The following RBMS3 variants were observed in gnomAD, a reference collection of about 807,000 sequenced individuals.
RBMS3 encodes the protein RNA binding motif single stranded interacting protein 3.
RBMS3 carries 27 observed loss-of-function variants against 66.8 expected under a neutral mutation model. The ratio of observed to expected loss-of-function variants is 0.40; its 90% CI spans 0.30 to 0.56. RBMS3 has a LOEUF of 0.56. RBMS3 is among the 20% of genes least tolerant of loss of function. The pLI is 0.40. For synonymous variants in RBMS3, 188 were observed against 183.0 expected, an observed-to-expected ratio of 1.03 and a Z score of -0.22; for missense variants, 513 against 549.5, an observed-to-expected ratio of 0.93 and a Z score of 0.66.
Position 29,357,006 on chromosome 3 carries a change from G to A in RBMS3, c.75+75250G>A, listed in dbSNP as rs931719160. On this transcript the variant is annotated intron_variant, in intron 1 of 14. Transcript: ENST00000383767. The stretch of plus-strand genomic sequence containing the variant: ...TAAACAAAAATGTTTAGTTTAGAAA[G>A]GGAAAAATAGTGGGTACAATCACAG... 1.4e-4 allele frequency among the ~76,000 whole-genome samples: 22 copies of A among 152,052 alleles called. No individual in the cohort carries two copies. The East Asian group carries it at 4.2e-3, about 29-fold the overall frequency.
At chr3:29,358,432 T>G (rs897360934) in intron 1 of RBMS3, among the ~76,000 whole-genome samples, 1 of 152,254 alleles carries the variant, frequency 6.6e-6, no homozygotes, top group Non-Finnish European at 1.5e-5. Context: ...AGTACCATGC[T>G]GTTTTGGTTA....
chr3:29,540,599 T>C (rs12636896), intron 3 of RBMS3, among the ~76,000 whole-genome samples: 2 of 152,152 alleles, frequency 1.3e-5, no homozygotes, highest in Non-Finnish European at 1.5e-5. Flanking sequence ...TATATTGATA[T>C]AGTAACTCTC....
chr3:29,879,956 A>G (rs1385408134), intron 7 of RBMS3, among the ~76,000 whole-genome samples: 1 of 152,188 alleles, frequency 6.6e-6, no homozygotes, highest in Non-Finnish European at 1.5e-5. Flanking sequence ...TATTTCCACA[A>G]TTATTACCTC....
intron 1 of RBMS3, among the ~76,000 whole-genome samples, chr3:29,408,409 C>T (rs2040121413): frequency 6.6e-6 from 1 of 151,904 alleles, no homozygotes; most frequent in Admixed American, 6.6e-5. Context: ...TCAATTTCCT[C>T]ATCTGTAAAA....
intron 4 of RBMS3, among the ~76,000 whole-genome samples, chr3:29,683,122 G>A (rs181553298): frequency 5.3e-5 from 8 of 152,176 alleles, no homozygotes; most frequent in Non-Finnish European, 8.8e-5. Context: ...TTTACTACCC[G>A]GCTTCCTACA....
At chr3:29,646,594 T>A (rs1272837393) in intron 4 of RBMS3, among the ~76,000 whole-genome samples, 3 of 151,576 alleles carry the variant, frequency 2.0e-5, no homozygotes, top group Non-Finnish European at 4.4e-5. Context: ...CTGGTTTAAG[T>A]TTCTTAACAA....
intron 4 of RBMS3, among the ~76,000 whole-genome samples, chr3:29,647,435 G>A (rs914856957): frequency 2.6e-5 from 4 of 152,114 alleles, no homozygotes; most frequent in African/African-American, 4.8e-5. Flanking sequence ...AAAAAGCTAC[G>A]ATTCAAAGTT....
chr3:29,843,434 T>A (rs938288348), intron 6 of RBMS3, among the ~76,000 whole-genome samples: 1 of 152,206 alleles, frequency 6.6e-6, no homozygotes, highest in African/African-American at 2.4e-5. Context: ...TCTTAAAACA[T>A]CGACACTATT....
chr3:29,817,459 C>A (rs918214607), intron 6 of RBMS3, among the ~76,000 whole-genome samples: 2 of 152,072 alleles, frequency 1.3e-5, no homozygotes, highest in Non-Finnish European at 2.9e-5. Context: ...CTCGCCTCAG[C>A]CTCCCAAAGT....
intron 4 of RBMS3, among the ~76,000 whole-genome samples, chr3:29,626,650 G>A (rs778269965): frequency 1.2e-4 from 18 of 152,112 alleles, no homozygotes; most frequent in Non-Finnish European, 1.9e-4. Context: ...TATTGTAGTG[G>A]AAACATCAAT....
intron 7 of RBMS3, among the ~76,000 whole-genome samples, chr3:29,870,688 C>T (rs1330445664): frequency 6.6e-6 from 1 of 152,068 alleles, no homozygotes; most frequent in Non-Finnish European, 1.5e-5. Flanking sequence ...GTTTAGGACC[C>T]AGAGCACCTT....
intron 6 of RBMS3, among the ~76,000 whole-genome samples, chr3:29,791,185 A>G (rs780741906): frequency 3.9e-5 from 6 of 152,222 alleles, no homozygotes; most frequent in Non-Finnish European, 8.8e-5. Flanking sequence ...CAGGTGAATA[A>G]CATTGATTTC....
chr3:29,406,382 G>C (rs953210353), intron 1 of RBMS3, among the ~76,000 whole-genome samples: 1 of 152,176 alleles, frequency 6.6e-6, no homozygotes, highest in Non-Finnish European at 1.5e-5. Context: ...TGTACTAAAA[G>C]CTATGACTGT....
At chr3:29,403,148 CAT>C (rs2039882282) in intron 1 of RBMS3, among the ~76,000 whole-genome samples, 1 of 151,864 alleles carries the variant, frequency 6.6e-6, no homozygotes, top group African/African-American at 2.4e-5. Flanking sequence ...AAAAAACAAA[CAT>C]AAAAAAGTAT....
At chr3:29,505,506 G>GTTTTTTTTT (rs749285833) in intron 3 of RBMS3, among the ~76,000 whole-genome samples, 3 of 107,294 alleles carry the variant, frequency 2.8e-5, no homozygotes, top group African/African-American at 7.1e-5. Context: ...CTTCAATTTT[G>GTTTTTTTTT]TTTTTTTTTT....
intron 1 of RBMS3, among the ~76,000 whole-genome samples, chr3:29,394,135 T>A (rs1456238696): frequency 6.6e-6 from 1 of 152,184 alleles, no homozygotes; most frequent in African/African-American, 2.4e-5. Flanking sequence ...TTCAACTGCA[T>A]AAGACAGACA....
intron 4 of RBMS3, among the ~76,000 whole-genome samples, chr3:29,626,695 C>T (rs1347850723): frequency 6.6e-6 from 1 of 151,800 alleles, no homozygotes; most frequent in Non-Finnish European, 1.5e-5. Context: ...ACCTGCATAT[C>T]GGCAGGATAG....
At chr3:29,294,821 A>C (rs2033110969) in intron 1 of RBMS3, among the ~76,000 whole-genome samples, 1 of 151,730 alleles carries the variant, frequency 6.6e-6, no homozygotes, top group Admixed American at 6.6e-5. Context: ...AATAGTTCTT[A>C]TAATAATATT....
chr3:29,892,676 T>C (rs1055931648), intron 8 of RBMS3, among the ~76,000 whole-genome samples: 1 of 151,374 alleles, frequency 6.6e-6, no homozygotes, highest in African/African-American at 2.4e-5. Flanking sequence ...TGTAACAACA[T>C]TTGCAAGGCA....
Sources: allele counts gnomAD v4.1 joint callset (sites outside exome capture counted in the v4.1 genomes callset), GRCh38; gene constraint gnomAD v4.1.1; transcripts MANE v1.5; gene names NCBI Gene and HGNC (gene_info 2026-07-23, HGNC 2026-07-21).